The following PLTP variants were observed in gnomAD, a reference collection of about 807,000 sequenced individuals.
PLTP encodes BPI fold containing family E.
A neutral mutation model predicts 54.1 loss-of-function variants in PLTP; 43 were observed. The observed-to-expected ratio is 0.79, with a 90% CI of 0.62 to 1.02. The LOEUF (loss-of-function observed/expected upper bound fraction) is 1.02, where lower values mean the gene tolerates loss of function less well. Among genes scored for constraint, PLTP ranks in the 50% least tolerant of loss-of-function variants. The pLI, the probability that PLTP is intolerant of heterozygous loss-of-function variation, is 0.00. For synonymous variants in PLTP, 263 were observed against 264.6 expected (o/e 0.99, Z 0.06); for missense variants, 604 against 645.9 (o/e 0.94, Z 0.70).
intron 7 of PLTP, 100 bp from the exon 8 acceptor site, chr20:45,906,459 C>A (rs535804519): frequency 1.1e-6 from 1 of 871,718 alleles, no homozygotes; most frequent in African/African-American, 1.7e-5. Context: ...AGGATACATC[C>A]TTCACAGGGT....
rs2145841525 is a variant in PLTP, at chr20:45,910,058, T to C, written c.213A>G (p.Thr71=). 1.2e-6 allele frequency: 2 copies of C among 1,614,026 alleles called. No individual in the cohort carries two copies. The highest frequency in any genetic ancestry group is 1.7e-6 in the Non-Finnish European group (2 of 1,179,950). The change falls in exon 4 of 16, where the codon ACA becomes ACG. Residue 71 remains threonine (T), a synonymous_variant. Coordinates refer to ENST00000372431, the MANE Select transcript of PLTP (RefSeq NM_006227.4). ...FYYNISEVKV[T]ELQLTSSELD... Reference sequence around the variant, plus strand: ...GCTCGGAAGATGTCAGTTGCAGCTCTGTGACCTTCACCCTACAGGAGGCCT... The same window carrying C: ...GCTCGGAAGATGTCAGTTGCAGCTCCGTGACCTTCACCCTACAGGAGGCCT...
intron 8 of PLTP, 27 bp from the exon 9 acceptor site, chr20:45,905,145 T>A (rs752251263): frequency 1.2e-6 from 2 of 1,610,060 alleles, no homozygotes; most frequent in South Asian, 2.2e-5. Flanking sequence ...ACAGTCAGGG[T>A]CAAGGCAGAC....
intron 5 of PLTP, 130 bp downstream of exon 5, chr20:45,909,376 CGTTCACACAG>C: frequency 1.2e-6 from 1 of 835,904 alleles, no homozygotes; most frequent in Non-Finnish European, 2.0e-6. Flanking sequence ...GACTTGGCCA[CGTTCACACAG>C]CCAGGAAGTG....
intron 8 of PLTP, 63 bp from the exon 9 acceptor site, chr20:45,905,181 G>A: frequency 2.0e-6 from 3 of 1,476,794 alleles, no homozygotes; most frequent in Non-Finnish European, 2.8e-6. Flanking sequence ...ACTGACAGCA[G>A]GTGTCTCCCA....
chr20:45,910,370 C>CT (rs1221879111), intron 3 of PLTP, among the ~76,000 whole-genome samples: 1 of 152,100 alleles, frequency 6.6e-6, no homozygotes, highest in African/African-American at 2.4e-5. Flanking sequence ...AATCCCAGCA[C>CT]TTTAGGAGGC....
At position 45,909,610 on chromosome 20, in the gene PLTP, G is replaced by T. The variant is rs530806968; in HGVS notation, c.391C>A (p.Leu131Ile). Residue 131 changes from leucine (L) to isoleucine (I), a missense_variant, in exon 5 of 16, where the codon CTC becomes ATC. Transcript: ENST00000372431. ...EGVSIRTGLE[L>I]SRDPAGRMKV... ...ATCCGTCCAGCGGGATCCCGGGAGA[G>T]CTCCAGACCAGTGCGGATGGACACA... 6.2e-6 allele frequency: 10 copies of T among 1,614,162 alleles called. No homozygotes were observed. The South Asian group carries it at 1.1e-4, about 18-fold the overall frequency.
At position 45,906,279 on chromosome 20, in the gene PLTP, T is replaced by G. The variant is rs555993425; in HGVS notation, c.694A>C (p.Met232Leu). 1.2e-6 allele frequency: 2 copies of G among 1,612,530 alleles called. No homozygotes were observed. The highest frequency in any genetic ancestry group is 1.7e-6 in the Non-Finnish European group (2 of 1,178,544). Residue 232 changes from methionine to leucine, a missense_variant, in exon 8 of 16, where the codon ATG becomes CTG. By Grantham distance (15) the Met-to-Leu change is conservative. Transcript: ENST00000372431. ...DPVASTSNLD[M>L]DFRGAFFPLT... The stretch of plus-strand genomic sequence containing the variant: ...CCCAAGCAGCTCACCCGGAAGTCCA[T>G]GTCCAGGTTGCTGGTGGAAGCCACA...
At chr20:45,899,424 G>T (rs772196438) in intron 15 of PLTP, 38 bp downstream of exon 15, 2 of 1,599,670 alleles carry the variant, frequency 1.3e-6, no homozygotes, top group Admixed American at 1.7e-5. Context: ...AGAGAGAGGG[G>T]AAGGCCCTCC....
In PLTP at chr20:45,911,251, A is replaced by G. The variant is rs1600484795; in HGVS notation, c.101T>C (p.Val34Ala). The G allele has an allele frequency of 6.2e-7, 1 of 1,613,940 alleles. No homozygotes were observed. The highest frequency in any genetic ancestry group is 1.7e-5 in the Admixed American group (1 of 59,998). ...IRVTSKALEL[V>A]KQEGLRFLEQ... The stretch of plus-strand genomic sequence containing the variant: ...CAGAAAGCGCAGCCCCTCCTGCTTC[A>G]CTGAAGCAGCAGAGAAACCCTTACT... The change falls in exon 3 of 16, where the codon GTG becomes GCG. Residue 34 changes from valine to alanine, a missense_variant and splice_region_variant. Coordinates refer to ENST00000372431, the MANE Select transcript of PLTP (RefSeq NM_006227.4).
At chr20:45,903,133 C>T (rs1256575046) in intron 10 of PLTP, among the ~76,000 whole-genome samples, 3 of 152,220 alleles carry the variant, frequency 2.0e-5, no homozygotes, top group Admixed American at 2.0e-4. Context: ...TCGCCCACCT[C>T]GGCCTCCCAA....
intron 7 of PLTP, 111 bp downstream of exon 7, chr20:45,907,581 T>C (rs1005126720): frequency 2.0e-6 from 2 of 1,024,092 alleles, no homozygotes; most frequent in African/African-American, 3.2e-5. Flanking sequence ...ACAAGTCAGC[T>C]CCAGGGGCCA....
At chr20:45,902,171 G>T in intron 12 of PLTP, 96 bp downstream of exon 12, 2 of 1,286,914 alleles carry the variant, frequency 1.6e-6, no homozygotes, top group Non-Finnish European at 2.2e-6. Flanking sequence ...AGCTCTCAGT[G>T]GCTTACAGGT....
chr20:45,907,763 G>C lies in PLTP; in HGVS notation c.550-8C>G. On this transcript the variant is annotated splice_region_variant and splice_polypyrimidine_tract_variant and intron_variant, in intron 6 of 15. Transcript: ENST00000372431. Reference sequence around the variant, plus strand: ...GTAGAGGACAGGGCAGATCTGCGAGGTGGGAGCCAGAGTCAGGGCCTTCTC... The same window carrying C: ...GTAGAGGACAGGGCAGATCTGCGAGCTGGGAGCCAGAGTCAGGGCCTTCTC... The C allele has an allele frequency of 6.2e-7, 1 of 1,613,342 alleles. No individual in the cohort carries two copies. Among genetic ancestry groups the C allele is most frequent in the Admixed American group, 1.7e-5 (1 of 59,910 alleles).
intron 12 of PLTP, 117 bp downstream of exon 12, chr20:45,902,150 A>C (rs2083191070): frequency 8.9e-7 from 1 of 1,120,278 alleles, no homozygotes; most frequent in African/African-American, 1.5e-5. Context: ...GCATTAACAA[A>C]GACAGACCCC....
At position 45,909,528 on chromosome 20, in the gene PLTP, C is replaced by G. The variant is rs1379183286; in HGVS notation, c.473G>C (p.Gly158Ala). 7 of 1,614,084 alleles carry G rather than the reference C, an allele frequency of 4.3e-6. No individual in the cohort carries two copies. Among genetic ancestry groups the G allele is most frequent in the Non-Finnish European group, 5.9e-6 (7 of 1,180,024 alleles). ...GGCTGGGGCTTACTTGAAGGTTCCC[C>G]CGAAGGCCGCGTGCATTCTGGAGAC... ...ASVSRMHAAF[G>A]GTFKKVYDFL... Residue 158 changes from glycine to alanine, a missense_variant, in exon 5 of 16, where the codon GGG (glycine) becomes GCG (alanine). By Grantham distance (60) the Gly-to-Ala change is moderately conservative (BLOSUM62 0). Coordinates refer to ENST00000372431, the MANE Select transcript of PLTP (RefSeq NM_006227.4).
At chr20:45,910,171 G>C in intron 3 of PLTP, 101 bp from the exon 4 acceptor site, 2 of 1,310,800 alleles carry the variant, frequency 1.5e-6, no homozygotes, top group Non-Finnish European at 2.2e-6. Context: ...GCCTGGGGAA[G>C]CGGGAGTGGG....
chr20:45,909,791 C>G, intron 4 of PLTP, 120 bp from the exon 5 acceptor site: 3 of 1,411,090 alleles, frequency 2.1e-6, no homozygotes, highest in Non-Finnish European at 3.0e-6. Context: ...CCAAACCTTC[C>G]TATCAACTCG....
At chr20:45,909,020 A>C (rs1382498768) in intron 5 of PLTP, among the ~76,000 whole-genome samples, 1 of 137,632 alleles carries the variant, frequency 7.3e-6, no homozygotes, top group East Asian at 2.2e-4. Flanking sequence ...GCTGGAGTGC[A>C]GTGGCACGAT....
chr20:45,908,048 A>G, intron 5 of PLTP, 144 bp from the exon 6 acceptor site: 1 of 772,612 alleles, frequency 1.3e-6, no homozygotes, highest in Non-Finnish European at 2.2e-6. Context: ...TAGGTTTTCC[A>G]AGAACCAGGC....
Sources: allele counts gnomAD v4.1 joint callset (sites outside exome capture counted in the v4.1 genomes callset), GRCh38; gene constraint gnomAD v4.1.1; transcripts MANE v1.5; gene names NCBI Gene and HGNC (gene_info 2026-07-23, HGNC 2026-07-21).